PRIMA1: variants seen among roughly 807,000 people sequenced by gnomAD.
PRIMA1 encodes the protein proline rich membrane anchor 1, also known as proline-rich membrane anchor 1.
In PRIMA1, 7 loss-of-function variants were observed where a neutral mutation model predicts 17.5. That is an observed-to-expected ratio of 0.40 (90% confidence interval 0.23 to 0.75). The LOEUF is 0.75. Among genes scored for constraint, PRIMA1 ranks in the 30% least tolerant of loss-of-function variants. The pLI is 0.37. For missense variants in PRIMA1, 200 were observed against 201.8 expected, an observed-to-expected ratio of 0.99 and a Z score of 0.05; for synonymous variants, 97 against 77.9, an observed-to-expected ratio of 1.25 and a Z score of -1.29.
At chr14:93,749,392 C>A (rs1274675897) in intron 3 of PRIMA1, among the ~76,000 whole-genome samples, 1 of 152,152 alleles carries the variant, frequency 6.6e-6, no homozygotes. Flanking sequence ...GTGCCATGCA[C>A]CATGCTAGCA....
At chr14:93,779,102 C>A in intron 3 of PRIMA1, 74 bp downstream of exon 3, 1 of 1,126,284 alleles carries the variant, frequency 8.9e-7, no homozygotes, top group Non-Finnish European at 1.2e-6. Flanking sequence ...CTGCCCTCGG[C>A]CACACTCAGT....
At chr14:93,728,606 T>C (rs1423999350) in intron 4 of PRIMA1, among the ~76,000 whole-genome samples, 1 of 152,000 alleles carries the variant, frequency 6.6e-6, no homozygotes, top group African/African-American at 2.4e-5. Context: ...GGGTTCCCAT[T>C]TACCCTCACC....
At chr14:93,772,129 C>T (rs1885088233) in intron 3 of PRIMA1, among the ~76,000 whole-genome samples, 3 of 152,192 alleles carry the variant, frequency 2.0e-5, no homozygotes. Context: ...TTCTAGTGTC[C>T]TGGGTGGGTA....
chr14:93,766,191 G>A (rs1884889345), intron 3 of PRIMA1, among the ~76,000 whole-genome samples: 1 of 152,126 alleles, frequency 6.6e-6, no homozygotes, highest in Admixed American at 6.5e-5. Context: ...GCCTCCTCAT[G>A]GTTCAACGAA....
intron 4 of PRIMA1, among the ~76,000 whole-genome samples, chr14:93,731,806 T>C (rs1284474891): frequency 1.3e-5 from 2 of 152,188 alleles, no homozygotes; most frequent in Non-Finnish European, 2.9e-5. Context: ...AGGTGCTCAA[T>C]AAATGGATCA....
At position 93,737,301 on chromosome 14, in the gene PRIMA1, C is replaced by A; in HGVS notation, c.299G>T (p.Cys100Phe). The change falls in exon 4 of 5, where the codon TGC (cysteine) becomes TTC (phenylalanine). Residue 100 changes from cysteine (C) to phenylalanine (F), a missense_variant. Cys to Phe is a radical substitution (Grantham distance 205). Transcript: ENST00000393140. The part of the protein sequence containing the change: ...WSGLVIIIAV[C>F]CASLVFLTVL... The stretch of plus-strand genomic sequence containing the variant: ...AGTCAGAAACACCAGGGAGGCACAG[C>A]ATACGGCAATGATGATCACCAGCCC... 1 of 1,614,150 alleles carries A rather than the reference C, an allele frequency of 6.2e-7. No individual in the cohort carries two copies. Among genetic ancestry groups the A allele is most frequent in the Non-Finnish European group, 8.5e-7 (1 of 1,180,028 alleles).
At position 93,726,085 on chromosome 14, in the gene PRIMA1, C is replaced by T; in HGVS notation, c.360-4539G>A. The T allele has an allele frequency of 2.2e-6, 1 of 456,118 alleles. No individual in the cohort carries two copies. Among genetic ancestry groups the T allele is most frequent in the South Asian group, 1.5e-5 (1 of 64,526 alleles). The allele number at this position is 456,118 out of a possible 1,614,324, so 28.3% of individuals were successfully genotyped here. The stretch of plus-strand genomic sequence containing the variant: ...CTGCTTGTAGGAGGGTGGGCTCTGC[C>T]ACCTTCAGACTTCTTGTCCCCTGCC... On this transcript the variant is annotated intron_variant, in intron 4 of 4. Coordinates refer to ENST00000393140, the MANE Select transcript of PRIMA1 (RefSeq NM_178013.4). This position sits in a 1 kb window ranked among gnomAD's most constrained non-coding sequence, Gnocchi z 4.2.
intron 4 of PRIMA1, among the ~76,000 whole-genome samples, chr14:93,736,011 G>A (rs911163395): frequency 1.8e-4 from 28 of 152,150 alleles, no homozygotes; most frequent in Admixed American, 6.5e-5. Context: ...TCAAGACTAA[G>A]CCGCTACCCA....
chr14:93,737,091 T>C (rs2076154294), intron 4 of PRIMA1, 150 bp downstream of exon 4: 2 of 630,906 alleles, frequency 3.2e-6, no homozygotes, highest in Non-Finnish European at 2.6e-6. Context: ...GGGGTGAGGG[T>C]AGATGGAAGG....
intron 2 of PRIMA1, among the ~76,000 whole-genome samples, chr14:93,787,314 T>C (rs1230902628): frequency 1.3e-5 from 2 of 152,240 alleles, no homozygotes; most frequent in African/African-American, 4.8e-5. Context: ...GGATCATTTT[T>C]CTTTGTAAGT....
chr14:93,758,030 A>C lies in PRIMA1; in HGVS notation c.230-20660T>G, dbSNP rs192167892. On this transcript the variant is annotated intron_variant, in intron 3 of 4. Coordinates refer to ENST00000393140, the MANE Select transcript of PRIMA1 (RefSeq NM_178013.4). ...TCCTTTGTGAGGCTTCTCACTCCAGAGATACGGGGGGGTTCCCATGGAACA... is the reference window on the plus strand; with the variant it reads ...TCCTTTGTGAGGCTTCTCACTCCAGCGATACGGGGGGGTTCCCATGGAACA... Among the ~76,000 whole-genome samples, 832 of 152,204 alleles carry C rather than the reference A, an allele frequency of 5.5e-3. 4 individuals carry two copies. The highest frequency in any genetic ancestry group is 9.9e-3 in the Non-Finnish European group (670 of 67,998).
chr14:93,724,169 A>G (rs1356553897), intron 4 of PRIMA1, among the ~76,000 whole-genome samples: 1 of 152,056 alleles, frequency 6.6e-6, no homozygotes, highest in African/African-American at 2.4e-5. Flanking sequence ...TTCCCATTTA[A>G]TCAGCATTCC....
intron 4 of PRIMA1, among the ~76,000 whole-genome samples, chr14:93,730,841 GC>G (rs2076109299): frequency 6.6e-6 from 1 of 152,162 alleles, no homozygotes; most frequent in Non-Finnish European, 1.5e-5. Flanking sequence ...AAATAATCAA[GC>G]TAAGGAGATG....
chr14:93,723,919 G>A (rs2076058557), intron 4 of PRIMA1, among the ~76,000 whole-genome samples: 1 of 152,104 alleles, frequency 6.6e-6, no homozygotes, highest in African/African-American at 2.4e-5. Flanking sequence ...TGGAGATGGG[G>A]TCTTGCTCTG....
chr14:93,725,509 G>A (rs953564460), intron 4 of PRIMA1, among the ~76,000 whole-genome samples: 1 of 152,078 alleles, frequency 6.6e-6, no homozygotes, highest in Non-Finnish European at 1.5e-5. Context: ...GTGACGCTGC[G>A]GAAGTGCTAA....
intron 3 of PRIMA1, among the ~76,000 whole-genome samples, chr14:93,777,934 A>G (rs1885269036): frequency 6.6e-6 from 1 of 152,210 alleles, no homozygotes; most frequent in South Asian, 2.1e-4. Context: ...CGTGGGGCCC[A>G]AAATGTGGGA....
intron 3 of PRIMA1, among the ~76,000 whole-genome samples, chr14:93,753,123 A>G (rs1403562782): frequency 6.6e-6 from 1 of 152,028 alleles, no homozygotes; most frequent in Non-Finnish European, 1.5e-5. Flanking sequence ...GATGCGTCCA[A>G]CACAGGCACA....
intron 3 of PRIMA1, among the ~76,000 whole-genome samples, chr14:93,757,228 AAAG>A (rs1265588763): frequency 6.6e-6 from 1 of 151,928 alleles, no homozygotes; most frequent in Non-Finnish European, 1.5e-5. Flanking sequence ...GGAAGGAAGG[AAAG>A]AAGGAAGGAA....
At chr14:93,734,572 C>A (rs2076136216) in intron 4 of PRIMA1, among the ~76,000 whole-genome samples, 1 of 152,226 alleles carries the variant, frequency 6.6e-6, no homozygotes, top group Non-Finnish European at 1.5e-5. Flanking sequence ...TCACCTGCCC[C>A]ACTTGCTCTC....
Sources: gnomAD v4.1 joint callset for allele counts (sites outside exome capture counted in the v4.1 genomes callset) on GRCh38, gnomAD v4.1.1 for gene constraint, Gnocchi (gnomAD v3.1) non-coding constraint, MANE v1.5 for transcripts, NCBI Gene and HGNC (gene_info 2026-07-23, HGNC 2026-07-21) for gene names.